The following EIPR1 variants were observed in gnomAD, a reference collection of about 807,000 sequenced individuals.
EIPR1 encodes EARP complex and GARP complex interacting protein 1.
A neutral mutation model predicts 48.1 loss-of-function variants in EIPR1; 25 were observed. The ratio of observed to expected loss-of-function variants is 0.52; its 90% CI spans 0.38 to 0.73. The LOEUF (loss-of-function observed/expected upper bound fraction) is 0.73. Among genes scored for constraint, EIPR1 ranks in the 30% least tolerant of loss-of-function variants. The pLI is 0.00. For missense variants in EIPR1, 415 were observed against 506.2 expected (o/e 0.82, Z 1.73); for synonymous variants, 204 against 201.9 (o/e 1.01, Z -0.09).
intron 8 of EIPR1, 145 bp downstream of exon 8, chr2:3,192,269 A>G (rs2242084): frequency 0.89 from 872,006 of 983,570 alleles, 389,830 homozygotes; most frequent in Middle Eastern, 0.92. Context: ...TGGAACTGTG[A>G]GTCCCCACAG....
intron 5 of EIPR1, among the ~76,000 whole-genome samples, chr2:3,210,382 A>G (rs1207136220): frequency 6.6e-6 from 1 of 152,144 alleles, no homozygotes; most frequent in African/African-American, 2.4e-5. Context: ...TCCCACGGCC[A>G]CACCAGGCTG....
At chr2:3,257,180 A>T in intron 4 of EIPR1, 119 bp downstream of exon 4, 3 of 1,154,434 alleles carry the variant, frequency 2.6e-6, no homozygotes, top group Non-Finnish European at 2.3e-6. Flanking sequence ...GCAGCTTTTT[A>T]AAAGAAAGGA....
intron 3 of EIPR1, among the ~76,000 whole-genome samples, chr2:3,304,119 G>A (rs1330309581): frequency 1.3e-5 from 2 of 152,182 alleles, no homozygotes; most frequent in African/African-American, 4.8e-5. Flanking sequence ...GGCTGGAAAC[G>A]CCCAGGCACG....
intron 5 of EIPR1, among the ~76,000 whole-genome samples, chr2:3,206,630 C>T (rs1665245602): frequency 6.6e-6 from 1 of 152,206 alleles, no homozygotes; most frequent in African/African-American, 2.4e-5. Flanking sequence ...TCCTCCTTTG[C>T]TACACAAAAA....
chr2:3,281,103 T>A lies in EIPR1; in HGVS notation c.260-23648A>T, dbSNP rs185849794. Among the ~76,000 whole-genome samples the A allele has an allele frequency of 5.6e-3, 850 of 152,240 alleles. 3 individuals carry two copies. The highest frequency in any genetic ancestry group is 0.02 in the Middle Eastern group (6 of 294). ...CTGGGCACAGCACCCTGTCCTTGCC[T>A]TCATGGCTGGAATGCACACCACACT... On this transcript the variant is annotated intron_variant, in intron 3 of 8. Coordinates refer to ENST00000382125, the MANE Select transcript of EIPR1 (RefSeq NM_003310.5).
At chr2:3,211,132 A>C (rs748168190) in intron 5 of EIPR1, among the ~76,000 whole-genome samples, 3 of 152,220 alleles carry the variant, frequency 2.0e-5, no homozygotes, top group Non-Finnish European at 2.9e-5. Context: ...GAAAGTTTAA[A>C]AATAAGTAAA....
chr2:3,241,900 T>C (rs1046619622), intron 4 of EIPR1, among the ~76,000 whole-genome samples: 5 of 152,058 alleles, frequency 3.3e-5, no homozygotes, highest in African/African-American at 1.2e-4. Flanking sequence ...CTAAAATGAG[T>C]GATTCACCAT....
chr2:3,207,713 T>C (rs1293605139), intron 5 of EIPR1: 1 of 152,178 alleles, frequency 6.6e-6, no homozygotes, highest in Non-Finnish European at 1.5e-5. Context: ...CAGAAAGAAG[T>C]CTTTTAAGAG....
rs1664506024 is a variant in EIPR1, at chr2:3,189,107, T to C, written c.*227A>G. On this transcript the variant is annotated 3_prime_UTR_variant, in exon 9 of 9. Transcript: ENST00000382125. This position sits in a 1 kb window ranked among gnomAD's most constrained non-coding sequence, Gnocchi z 4.6. ...AAACATTGTTATTCACATAATAATGTGGGGCTCTGTCTCTGCCGACAGGGG... is the reference window on the plus strand; with the variant it reads ...AAACATTGTTATTCACATAATAATGCGGGGCTCTGTCTCTGCCGACAGGGG... 1 of 410,972 alleles carries C rather than the reference T, an allele frequency of 2.4e-6. No individual in the cohort carries two copies. Among genetic ancestry groups the C allele is most frequent in the Non-Finnish European group, 4.3e-6 (1 of 233,086 alleles). The allele number at this position is 410,972 out of a possible 1,614,324, so 25.5% of individuals were successfully genotyped here.
At chr2:3,304,239 T>C (rs12469783) in intron 3 of EIPR1, among the ~76,000 whole-genome samples, 51,805 of 152,134 alleles carry the variant, frequency 0.34, 8,957 homozygotes, top group African/African-American at 0.36. Context: ...GGAGGTGGTC[T>C]GGCGAGATCG....
chr2:3,290,873 C>T (rs914276463), intron 3 of EIPR1, among the ~76,000 whole-genome samples: 2 of 152,344 alleles, frequency 1.3e-5, no homozygotes, highest in Admixed American at 6.5e-5. Flanking sequence ...TCCATCACGG[C>T]CCGAGCAATG....
At chr2:3,213,964 T>C (rs1375369878) in intron 5 of EIPR1, among the ~76,000 whole-genome samples, 185 bp downstream of exon 5, 1 of 152,186 alleles carries the variant, frequency 6.6e-6, no homozygotes, top group African/African-American at 2.4e-5. Flanking sequence ...ACTAGTCATT[T>C]ACATTAGGTA....
At chr2:3,210,092 GA>G (rs1284351546) in intron 5 of EIPR1, among the ~76,000 whole-genome samples, 1 of 151,994 alleles carries the variant, frequency 6.6e-6, no homozygotes, top group African/African-American at 2.4e-5. Flanking sequence ...GCCAGCAGGG[GA>G]TATGCTGAGA....
At chr2:3,271,909 T>C (rs77652639) in intron 3 of EIPR1, among the ~76,000 whole-genome samples, 3,136 of 152,376 alleles carry the variant, frequency 0.021, 36 homozygotes, top group Non-Finnish European at 0.031. Flanking sequence ...TAAGGGTATT[T>C]CATTGACACT....
Position 3,353,705 on chromosome 2 carries a change from GA to G in EIPR1, c.126+844del, listed in dbSNP as rs537437465. ...ATTAAGTATATAAACATTTATTTAT[GA>G]AGCTCTAAGGATGTATCACTGAACT... On this transcript the variant is annotated intron_variant, in intron 2 of 8. Transcript: ENST00000382125. 2.9e-3 allele frequency among the ~76,000 whole-genome samples: 435 copies of G among 152,298 alleles called. 4 individuals are homozygous for G. Among genetic ancestry groups the G allele is most frequent in the African/African-American group, 0.01 (420 of 41,562 alleles).
intron 3 of EIPR1, among the ~76,000 whole-genome samples, chr2:3,313,731 G>A (rs1029960894): frequency 6.6e-6 from 1 of 152,192 alleles, no homozygotes. Context: ...GTAAGTGTTT[G>A]GATCTGGGTT....
chr2:3,368,376 C>A (rs34141710), intron 1 of EIPR1, among the ~76,000 whole-genome samples: 1 of 152,340 alleles, frequency 6.6e-6, no homozygotes, highest in Non-Finnish European at 1.5e-5. Flanking sequence ...CTTCCCACCC[C>A]GACCGTCCTT....
chr2:3,334,516 G>A (rs1478663719), intron 3 of EIPR1, among the ~76,000 whole-genome samples: 1 of 152,262 alleles, frequency 6.6e-6, no homozygotes, highest in African/African-American at 2.4e-5. Flanking sequence ...GGCACCTGAA[G>A]CAGGAGGGCC....
At chr2:3,377,180 C>G (rs1267972253) in intron 1 of EIPR1, 1 of 157,048 alleles carries the variant, frequency 6.4e-6, no homozygotes, top group Non-Finnish European at 1.4e-5. Flanking sequence ...GATAAATGTA[C>G]GATGGTTATG....
Sources: allele counts gnomAD v4.1 joint callset (sites outside exome capture counted in the v4.1 genomes callset), GRCh38; gene constraint gnomAD v4.1.1; non-coding constraint Gnocchi (gnomAD v3.1); transcripts MANE v1.5; gene names NCBI Gene and HGNC (gene_info 2026-07-23, HGNC 2026-07-21).